The following CTNND2 variants were observed in gnomAD, a reference collection of about 807,000 sequenced individuals.
CTNND2 encodes the protein catenin delta 2.
A neutral mutation model predicts 144.4 loss-of-function variants in CTNND2; 22 were observed. The observed-to-expected ratio is 0.15, with a 90% CI of 0.11 to 0.22. The LOEUF is 0.22. Among genes scored for constraint, CTNND2 ranks in the 10% least tolerant of loss-of-function variants. The probability of loss-of-function intolerance (pLI) is 1.00; values close to 1 mark genes in which losing one functional copy is unlikely to be tolerated. For missense variants in CTNND2, 1,353 were observed against 1,618.8 expected, an observed-to-expected ratio of 0.84 and a Z score of 2.82; for synonymous variants, 751 against 695.6, an observed-to-expected ratio of 1.08 and a Z score of -1.25.
At chr5:11,862,104 T>C (rs557916073) in intron 1 of CTNND2, among the ~76,000 whole-genome samples, 1 of 152,296 alleles carries the variant, frequency 6.6e-6, no homozygotes, top group South Asian at 2.1e-4. Flanking sequence ...TGGAATTAAA[T>C]GGGAAATAGA....
intron 21 of CTNND2, among the ~76,000 whole-genome samples, chr5:10,978,390 G>T (rs1461042074): frequency 6.6e-6 from 1 of 152,156 alleles, no homozygotes; most frequent in East Asian, 1.9e-4. Flanking sequence ...TGCAAGTGAA[G>T]ACAAGGTTTA....
At chr5:11,719,869 C>T (rs1786563490) in intron 2 of CTNND2, among the ~76,000 whole-genome samples, 1 of 140,198 alleles carries the variant, frequency 7.1e-6, no homozygotes, top group Admixed American at 6.9e-5. Context: ...CACACACACA[C>T]ACACACACCA....
chr5:11,742,402 G>GC (rs1788069456), intron 1 of CTNND2, among the ~76,000 whole-genome samples: 1 of 151,862 alleles, frequency 6.6e-6, no homozygotes, highest in Non-Finnish European at 1.5e-5. Flanking sequence ...TTGACTTCCT[G>GC]CCCCCTCACA....
intron 2 of CTNND2, among the ~76,000 whole-genome samples, chr5:11,591,349 C>A (rs1779229452): frequency 6.6e-6 from 1 of 152,116 alleles, no homozygotes; most frequent in African/African-American, 2.4e-5. Flanking sequence ...TTGATATATC[C>A]CTCTTGTAAG....
chr5:11,523,866 C>A (rs571822680), intron 3 of CTNND2, among the ~76,000 whole-genome samples: 1 of 152,236 alleles, frequency 6.6e-6, no homozygotes, highest in South Asian at 2.1e-4. Context: ...TGCTGTGAAG[C>A]GGGTGCAGGG....
chr5:11,896,464 G>A (rs910272058), intron 1 of CTNND2, among the ~76,000 whole-genome samples: 2 of 152,040 alleles, frequency 1.3e-5, no homozygotes, highest in East Asian at 1.9e-4. Context: ...AAATTTAAAG[G>A]CGAGAAAATG....
At chr5:11,620,678 T>A (rs1343982250) in intron 2 of CTNND2, among the ~76,000 whole-genome samples, 1 of 152,132 alleles carries the variant, frequency 6.6e-6, no homozygotes, top group Non-Finnish European at 1.5e-5. Context: ...ATGCCTGAGT[T>A]ATAATAAAAC....
At chr5:11,296,673 G>A (rs993740812) in intron 9 of CTNND2, among the ~76,000 whole-genome samples, 2 of 152,322 alleles carry the variant, frequency 1.3e-5, no homozygotes, top group African/African-American at 4.8e-5. Context: ...ATGAGTTCAT[G>A]TCCTTTGTAG....
Position 11,240,481 on chromosome 5 carries a change from TCAAA to T in CTNND2, c.1629-3662_1629-3659del, listed in dbSNP as rs762894585. ...CCCCAACACACACACTCACATACAC[TCAAA>T]CACACACCCAACACACACACCCAAC... On this transcript the variant is annotated intron_variant, in intron 9 of 21. Transcript: ENST00000304623. Among the ~76,000 whole-genome samples the T allele has an allele frequency of 2.9e-3, 139 of 48,404 alleles. 1 individual carries two copies. Among genetic ancestry groups the T allele is most frequent in the Middle Eastern group, 0.05 (2 of 40 alleles). The allele number at this position is 48,404 out of a possible 152,430, so 31.8% of individuals were successfully genotyped here.
intron 16 of CTNND2, among the ~76,000 whole-genome samples, chr5:11,051,735 A>G (rs997075337): frequency 6.6e-6 from 1 of 152,296 alleles, no homozygotes; most frequent in Non-Finnish European, 1.5e-5. Context: ...ATATCCACCA[A>G]CTATTCATTA....
intron 3 of CTNND2, among the ~76,000 whole-genome samples, chr5:11,483,421 G>A (rs1768474569): frequency 6.6e-6 from 1 of 152,206 alleles, no homozygotes; most frequent in Admixed American, 6.5e-5. Context: ...GGGCTGTGCA[G>A]TTCAAAGGAG....
intron 2 of CTNND2, among the ~76,000 whole-genome samples, chr5:11,607,735 G>A (rs1240104620): frequency 6.6e-6 from 1 of 152,150 alleles, no homozygotes; most frequent in Non-Finnish European, 1.5e-5. Flanking sequence ...TGTTAATAAT[G>A]TCAAACTGTC....
intron 14 of CTNND2, among the ~76,000 whole-genome samples, chr5:11,110,059 A>G (rs1314497219): frequency 6.6e-6 from 1 of 152,056 alleles, no homozygotes; most frequent in African/African-American, 2.4e-5. Context: ...CCGCTGTTCC[A>G]GTGTTAGCAA....
intron 2 of CTNND2, among the ~76,000 whole-genome samples, chr5:11,694,967 T>C (rs1417292598): frequency 6.6e-6 from 1 of 152,156 alleles, no homozygotes. Flanking sequence ...CAAAAGAATA[T>C]TGCATATAGC....
chr5:11,728,772 A>C (rs1787162061), intron 2 of CTNND2, among the ~76,000 whole-genome samples: 1 of 152,122 alleles, frequency 6.6e-6, no homozygotes, highest in Non-Finnish European at 1.5e-5. Flanking sequence ...TAATATATTG[A>C]CTAAAGAGTT....
chr5:11,469,301 G>A (rs1766946243), intron 3 of CTNND2, among the ~76,000 whole-genome samples: 1 of 152,136 alleles, frequency 6.6e-6, no homozygotes, highest in Admixed American at 6.5e-5. Flanking sequence ...CATGCAGATT[G>A]TAATTTATTC....
intron 2 of CTNND2, among the ~76,000 whole-genome samples, chr5:11,625,250 A>G (rs552684922): frequency 1.3e-5 from 2 of 152,214 alleles, no homozygotes; most frequent in African/African-American, 4.8e-5. Context: ...ATGATTGGGG[A>G]AAAATATTTT....
chr5:11,003,030 T>C (rs1740111280), intron 18 of CTNND2, among the ~76,000 whole-genome samples: 1 of 152,178 alleles, frequency 6.6e-6, no homozygotes, highest in South Asian at 2.1e-4. Flanking sequence ...TTTTAAAAAG[T>C]TCTGGAAGTT....
intron 16 of CTNND2, among the ~76,000 whole-genome samples, chr5:11,035,226 G>C (rs1460080924): frequency 6.6e-6 from 1 of 152,108 alleles, no homozygotes; most frequent in East Asian, 1.9e-4. Context: ...TACAACACTG[G>C]TCTTACTAGG....
Sources: allele counts gnomAD v4.1 joint callset (sites outside exome capture counted in the v4.1 genomes callset), GRCh38; gene constraint gnomAD v4.1.1; transcripts MANE v1.5; gene names NCBI Gene and HGNC (gene_info 2026-07-23, HGNC 2026-07-21).